The following ARL15 variants were observed in gnomAD, a reference collection of about 807,000 sequenced individuals.
ARL15 encodes the protein ARF like GTPase 15.
In ARL15, 19 loss-of-function variants were observed where a neutral mutation model predicts 25.2. The observed-to-expected ratio is 0.75, with a 90% CI of 0.53 to 1.10. The LOEUF (loss-of-function observed/expected upper bound fraction) is 1.10. ARL15 is among the 50% of genes least tolerant of loss of function. The pLI, the probability that ARL15 is intolerant of heterozygous loss-of-function variation, is 0.00. For synonymous variants in ARL15, 94 were observed against 86.8 expected (o/e 1.08, Z -0.46); for missense variants, 220 against 246.0 (o/e 0.89, Z 0.71).
intron 4 of ARL15, among the ~76,000 whole-genome samples, chr5:54,111,840 T>C (rs1416235355): frequency 6.6e-6 from 1 of 152,076 alleles, no homozygotes; most frequent in Non-Finnish European, 1.5e-5. Flanking sequence ...TACTATTATA[T>C]CTACTCTATA....
At chr5:54,209,607 G>A (rs1170735064) in intron 1 of ARL15, among the ~76,000 whole-genome samples, 1 of 151,830 alleles carries the variant, frequency 6.6e-6, no homozygotes, top group African/African-American at 2.4e-5. Flanking sequence ...ATTAGAAAAT[G>A]TATACCTGTA....
intron 4 of ARL15, among the ~76,000 whole-genome samples, chr5:54,071,941 C>A (rs1268155716): frequency 6.8e-6 from 1 of 146,474 alleles, no homozygotes; most frequent in Admixed American, 7.0e-5. Flanking sequence ...CCACTGCACG[C>A]CAGCCTGGTG....
chr5:54,064,445 T>A, intron 4 of ARL15, among the ~76,000 whole-genome samples: 2 of 152,266 alleles, frequency 1.3e-5, no homozygotes, highest in Middle Eastern at 6.8e-3. Flanking sequence ...TTGGGAATAA[T>A]AGGTCCTGAG....
At chr5:54,298,586 C>A (rs763693298) in intron 1 of ARL15, among the ~76,000 whole-genome samples, 1 of 152,170 alleles carries the variant, frequency 6.6e-6, no homozygotes, top group Non-Finnish European at 1.5e-5. Flanking sequence ...TCTTCTCTTT[C>A]CTGGTGAATG....
intron 3 of ARL15, among the ~76,000 whole-genome samples, chr5:54,138,948 A>G (rs1365419392): frequency 6.6e-6 from 1 of 152,224 alleles, no homozygotes; most frequent in Non-Finnish European, 1.5e-5. Context: ...AGGGAAATGC[A>G]AATTAAACTC....
chr5:53,991,793 T>C (rs1310134825), intron 4 of ARL15, among the ~76,000 whole-genome samples: 2 of 152,146 alleles, frequency 1.3e-5, no homozygotes, highest in East Asian at 1.9e-4. Flanking sequence ...TCTCCCACTA[T>C]GGTGGTGTCT....
intron 4 of ARL15, among the ~76,000 whole-genome samples, chr5:53,892,661 G>A (rs534138908): frequency 1.3e-5 from 2 of 151,024 alleles, no homozygotes; most frequent in South Asian, 4.2e-4. Context: ...GGAGTGCTGT[G>A]GCACAATCAT....
chr5:54,046,067 G>A (rs1481019271), intron 4 of ARL15, among the ~76,000 whole-genome samples: 1 of 150,930 alleles, frequency 6.6e-6, no homozygotes, highest in Non-Finnish European at 1.5e-5. Flanking sequence ...AAACAGATCT[G>A]TAAAAAATGA....
At chr5:54,155,277 G>C (rs1444184557) in intron 2 of ARL15, among the ~76,000 whole-genome samples, 3 of 152,036 alleles carry the variant, frequency 2.0e-5, no homozygotes, top group Non-Finnish European at 4.4e-5. Flanking sequence ...TGAAAGTATA[G>C]AGAAATTTCA....
At chr5:54,102,019 G>GC in intron 4 of ARL15, among the ~76,000 whole-genome samples, 1 of 146,660 alleles carries the variant, frequency 6.8e-6, no homozygotes, top group Admixed American at 6.8e-5. Flanking sequence ...TTTTTGTTTT[G>GC]TTTTTTTTTT....
chr5:54,066,906 A>C (rs1751251923), intron 4 of ARL15, among the ~76,000 whole-genome samples: 1 of 152,208 alleles, frequency 6.6e-6, no homozygotes, highest in Non-Finnish European at 1.5e-5. Flanking sequence ...AGGTTATTTT[A>C]TATATGGGGG....
intron 2 of ARL15, among the ~76,000 whole-genome samples, chr5:54,170,865 C>T (rs1030080002): frequency 6.6e-6 from 1 of 152,184 alleles, no homozygotes; most frequent in Admixed American, 6.6e-5. Context: ...GGACCTAGCA[C>T]ATAGTAGGTG....
intron 4 of ARL15, among the ~76,000 whole-genome samples, chr5:54,058,074 C>T (rs530893518): frequency 5.9e-5 from 9 of 151,312 alleles, no homozygotes; most frequent in Non-Finnish European, 1.0e-4. Flanking sequence ...AGCGCGATCT[C>T]GGCTCACTGC....
At chr5:54,019,346 T>C (rs1293514290) in intron 4 of ARL15, among the ~76,000 whole-genome samples, 1 of 152,170 alleles carries the variant, frequency 6.6e-6, no homozygotes, top group East Asian at 1.9e-4. Context: ...AAGCAATTAA[T>C]TCTCTGGTAG....
chr5:54,012,960 C>G (rs531222616), intron 4 of ARL15, among the ~76,000 whole-genome samples: 182 of 151,902 alleles, frequency 1.2e-3, no homozygotes, highest in Non-Finnish European at 2.4e-3. Context: ...CCACCACACC[C>G]GGCTAATTTT....
chr5:53,896,311 G>C (rs1359930798), intron 4 of ARL15, among the ~76,000 whole-genome samples: 1 of 152,126 alleles, frequency 6.6e-6, no homozygotes, highest in Non-Finnish European at 1.5e-5. Flanking sequence ...TGGGATTACA[G>C]GTGTGAGCCA....
chr5:54,120,949 T>C lies in ARL15; in HGVS notation c.254-7539A>G, dbSNP rs181952898. Among the ~76,000 whole-genome samples the C allele has an allele frequency of 5.3e-5, 8 of 152,330 alleles. No individual in the cohort carries two copies. The East Asian group carries it at 1.5e-3, about 29-fold the overall frequency. On this transcript the variant is annotated intron_variant, in intron 3 of 4. Transcript: ENST00000504924. ...CCCAACCAGTATTTTTTCTTTTTTA[T>C]CAGAAACTTTAACGTACCAATCCTG...
chr5:54,127,120 T>A (rs1354004020), intron 3 of ARL15, among the ~76,000 whole-genome samples: 5 of 152,216 alleles, frequency 3.3e-5, no homozygotes, highest in Non-Finnish European at 7.3e-5. Context: ...TGCGATAGTT[T>A]ACTGAGAATG....
intron 1 of ARL15, among the ~76,000 whole-genome samples, chr5:54,191,030 A>G (rs1049676904): frequency 1.3e-5 from 2 of 152,214 alleles, no homozygotes; most frequent in Non-Finnish European, 1.5e-5. Context: ...AACATCACTC[A>G]TAACAGCTAA....
Sources: allele counts gnomAD v4.1 joint callset (sites outside exome capture counted in the v4.1 genomes callset), GRCh38; gene constraint gnomAD v4.1.1; transcripts MANE v1.5; gene names NCBI Gene and HGNC (gene_info 2026-07-23, HGNC 2026-07-21).